SAMD3: variants seen among roughly 807,000 people sequenced by gnomAD.
The protein encoded by SAMD3 is sterile alpha motif domain containing 3, also known as sterile alpha motif domain-containing protein 3.
A neutral mutation model predicts 58.5 loss-of-function variants in SAMD3; 63 were observed. That is an observed-to-expected ratio of 1.08 (90% CI 0.88 to 1.33). The LOEUF (loss-of-function observed/expected upper bound fraction) is 1.33, where lower values mean the gene tolerates loss of function less well. Ranked by LOEUF, SAMD3 falls within the 40% of genes most tolerant of loss-of-function variation. The pLI is 0.00. For synonymous variants in SAMD3, 220 were observed against 210.3 expected, an observed-to-expected ratio of 1.05 and a Z score of -0.40; for missense variants, 604 against 608.4, an observed-to-expected ratio of 0.99 and a Z score of 0.08.
At chr6:130,287,587 C>T (rs1452019875) in intron 2 of SAMD3, among the ~76,000 whole-genome samples, 2 of 152,130 alleles carry the variant, frequency 1.3e-5, no homozygotes, top group South Asian at 2.1e-4. Context: ...AGAGGTAGAA[C>T]ACACAAGGGA....
intron 1 of SAMD3, among the ~76,000 whole-genome samples, chr6:130,338,302 G>C (rs1583127076): frequency 6.6e-6 from 1 of 152,210 alleles, no homozygotes; most frequent in African/African-American, 2.4e-5. Context: ...AAATTTCAGA[G>C]GATTTATGGA....
chr6:130,325,462 G>T (rs74537901), intron 1 of SAMD3, among the ~76,000 whole-genome samples: 2 of 152,122 alleles, frequency 1.3e-5, no homozygotes, highest in African/African-American at 4.8e-5. Context: ...TCAGGCTCTC[G>T]ACAGATTGGA....
chr6:130,269,199 A>C (rs1224404470), intron 2 of SAMD3, among the ~76,000 whole-genome samples: 2 of 152,162 alleles, frequency 1.3e-5, no homozygotes, highest in African/African-American at 4.8e-5. Flanking sequence ...CTCCAGCACC[A>C]TTTGTCGCAA....
intron 8 of SAMD3, among the ~76,000 whole-genome samples, chr6:130,159,076 C>T (rs994500416): frequency 1.8e-4 from 27 of 152,194 alleles, no homozygotes; most frequent in Admixed American, 1.3e-4. Context: ...TGGTTTGGCT[C>T]TGTGTCCCCA....
intron 8 of SAMD3, chr6:130,162,024 T>A (rs551452282): frequency 2.5e-6 from 1 of 401,020 alleles, no homozygotes; most frequent in Non-Finnish European, 4.4e-6. Context: ...AGAAATACAC[T>A]GAAGGGAAGT....
intron 2 of SAMD3, among the ~76,000 whole-genome samples, chr6:130,291,538 G>A (rs1023166175): frequency 2.6e-5 from 4 of 152,274 alleles, no homozygotes; most frequent in Admixed American, 2.6e-4. Flanking sequence ...TGGTATCTTG[G>A]TGCTGGATTA....
intron 1 of SAMD3, among the ~76,000 whole-genome samples, chr6:130,357,118 C>CTTTTTTTTTTT (rs1169066063): frequency 2.2e-5 from 2 of 91,712 alleles, no homozygotes; most frequent in African/African-American, 4.5e-5. Context: ...GCCATGGCAT[C>CTTTTTTTTTTT]TTTTTTTTTT....
At chr6:130,211,043 C>T (rs940038243) in intron 4 of SAMD3, among the ~76,000 whole-genome samples, 5 of 151,714 alleles carry the variant, frequency 3.3e-5, no homozygotes, top group Admixed American at 1.3e-4. Context: ...TTGCTTGAAC[C>T]TGGGAGGCAG....
intron 2 of SAMD3, among the ~76,000 whole-genome samples, chr6:130,287,037 C>T (rs558369241): frequency 4.6e-4 from 70 of 152,264 alleles, no homozygotes; most frequent in African/African-American, 1.7e-3. Context: ...ATCTCTCCTT[C>T]CCCTAAACAT....
intron 1 of SAMD3, among the ~76,000 whole-genome samples, chr6:130,335,785 C>T (rs1222011877): frequency 6.6e-6 from 1 of 152,020 alleles, no homozygotes; most frequent in Non-Finnish European, 1.5e-5. Context: ...CAATGATAGA[C>T]TGGATTAAGA....
Position 130,144,661 on chromosome 6 carries a change from A to G in SAMD3, c.1422T>C (p.His474=), listed in dbSNP as rs1788448928. 2 of 1,614,174 alleles carry G rather than the reference A, an allele frequency of 1.2e-6. No individual in the cohort carries two copies. The highest frequency in any genetic ancestry group is 1.7e-6 in the Non-Finnish European group (2 of 1,180,012). Residue 474 remains histidine, a synonymous_variant, in exon 12 of 12, where the codon CAT becomes CAC. Coordinates refer to ENST00000439090, the MANE Select transcript of SAMD3 (RefSeq NM_001017373.4). ...TALAALVAAF[H]VFRIECPRRL... ...TTCTTGGACACTCAATCCTAAATAC[A>G]TGAAAGGCAGCTACTAGCGCAGCCA... is the stretch of plus-strand genomic sequence containing the variant.
intron 2 of SAMD3, among the ~76,000 whole-genome samples, chr6:130,265,950 G>A (rs1195110217): frequency 6.6e-6 from 1 of 152,168 alleles, no homozygotes; most frequent in Non-Finnish European, 1.5e-5. Context: ...CTGGTCTCAT[G>A]TCATTTAGGC....
intron 5 of SAMD3, among the ~76,000 whole-genome samples, chr6:130,205,351 T>C (rs946989211): frequency 6.6e-6 from 1 of 152,098 alleles, no homozygotes; most frequent in Non-Finnish European, 1.5e-5. Flanking sequence ...TCACCTAGGC[T>C]GGAGTGCAAT....
chr6:130,145,280 T>A, intron 11 of SAMD3, 60 bp downstream of exon 11: 8 of 764,492 alleles, frequency 1.0e-5, no homozygotes. Flanking sequence ...AAATAAATAA[T>A]ATAAATAATC....
intron 1 of SAMD3, among the ~76,000 whole-genome samples, chr6:130,364,661 A>T (rs939609067): frequency 6.6e-6 from 1 of 151,584 alleles, no homozygotes; most frequent in Non-Finnish European, 1.5e-5. Flanking sequence ...TATAAAGGTG[A>T]CTCATCCTTC....
At chr6:130,316,538 T>C (rs1306113971) in intron 1 of SAMD3, among the ~76,000 whole-genome samples, 2 of 152,166 alleles carry the variant, frequency 1.3e-5, no homozygotes, top group Non-Finnish European at 2.9e-5. Context: ...ATTCAGGTAC[T>C]ATGATAAGAG....
chr6:130,251,987 C>A (rs1176360252), intron 2 of SAMD3, among the ~76,000 whole-genome samples: 2 of 151,354 alleles, frequency 1.3e-5, no homozygotes, highest in African/African-American at 4.9e-5. Context: ...TGTTCTATTC[C>A]TTGTTGAAAG....
intron 1 of SAMD3, among the ~76,000 whole-genome samples, chr6:130,338,488 G>A (rs532114925): frequency 6.6e-6 from 1 of 152,262 alleles, no homozygotes; most frequent in East Asian, 1.9e-4. Flanking sequence ...ACCCCAGAGT[G>A]GAAGATCCAA....
At chr6:130,300,305 A>G (rs150842003) in intron 2 of SAMD3, among the ~76,000 whole-genome samples, 5 of 152,330 alleles carry the variant, frequency 3.3e-5, no homozygotes, top group African/African-American at 1.2e-4. Flanking sequence ...GTTTCAACAT[A>G]TGCAAATCAA....
Sources: gnomAD v4.1 joint callset for allele counts (sites outside exome capture counted in the v4.1 genomes callset) on GRCh38, gnomAD v4.1.1 for gene constraint, MANE v1.5 for transcripts, NCBI Gene and HGNC (gene_info 2026-07-23, HGNC 2026-07-21) for gene names.